The following FBXO11 variants were observed in gnomAD, a reference collection of about 807,000 sequenced individuals.
The protein encoded by FBXO11 is F-box protein 11, also known as F-box only protein 11.
FBXO11 carries 13 observed loss-of-function variants against 117.0 expected under a neutral mutation model. That is an observed-to-expected ratio of 0.11 (90% CI 0.07 to 0.18). FBXO11 has a LOEUF of 0.18. Ranked by LOEUF, FBXO11 falls within the 10% of genes least tolerant of loss-of-function variation. The probability of loss-of-function intolerance (pLI) is 1.00; values close to 1 mark genes in which losing one functional copy is unlikely to be tolerated. For synonymous variants in FBXO11, 490 were observed against 380.5 expected (o/e 1.29, Z -3.35); for missense variants, 767 against 1,164.4 (o/e 0.66, Z 4.97).
intron 1 of FBXO11, chr2:47,883,581 C>T: frequency 3.1e-6 from 1 of 325,920 alleles, no homozygotes; most frequent in Non-Finnish European, 6.2e-6. Flanking sequence ...TCGGCAAACA[C>T]TGATGTTTGA....
At chr2:47,863,125 G>A (rs1038727130) in intron 1 of FBXO11, among the ~76,000 whole-genome samples, 6 of 144,970 alleles carry the variant, frequency 4.1e-5, no homozygotes, top group South Asian at 2.2e-4. Context: ...AAAACAAAAC[G>A]AAACAAAAGT....
chr2:47,855,279 CA>C (rs1180640105), intron 1 of FBXO11, among the ~76,000 whole-genome samples: 1 of 151,718 alleles, frequency 6.6e-6, no homozygotes, highest in African/African-American at 2.4e-5. Flanking sequence ...CAGCTCACTG[CA>C]GCCTCGACTT....
intron 1 of FBXO11, among the ~76,000 whole-genome samples, chr2:47,899,172 G>A (rs548321590): frequency 2.0e-4 from 30 of 151,768 alleles, no homozygotes; most frequent in African/African-American, 7.2e-4. Flanking sequence ...TACTCAGGAG[G>A]CTGAGGCAGG....
At chr2:47,866,765 C>A (rs930487982) in intron 1 of FBXO11, among the ~76,000 whole-genome samples, 15 of 152,210 alleles carry the variant, frequency 9.9e-5, no homozygotes, top group African/African-American at 3.4e-4. Context: ...AGCCACTGCG[C>A]CCGGCCTATG....
chr2:47,818,991 C>T lies in FBXO11; in HGVS notation c.1885G>A (p.Val629Ile). 1 of 1,614,040 alleles carries T rather than the reference C, an allele frequency of 6.2e-7. No individual in the cohort carries two copies. The highest frequency in any genetic ancestry group is 1.1e-5 in the South Asian group (1 of 91,078). Residue 629 changes from valine to isoleucine, a missense_variant, in exon 15 of 23, where the codon GTA becomes ATA. Transcript: ENST00000403359. ...GVWVTTGSTP[V>I]LRRNRIHSGK... ...CTGTGTATCCGGTTTCTTCTCAGTACTGGAGTGCTGCCAGTTGTCACCCAG... is the reference window on the plus strand; with the variant it reads ...CTGTGTATCCGGTTTCTTCTCAGTATTGGAGTGCTGCCAGTTGTCACCCAG...
Position 47,839,923 on chromosome 2 carries a change from T to A in FBXO11, c.233-154A>T, listed in dbSNP as rs549191938. Among the ~76,000 whole-genome samples, 216 of 152,254 alleles carry A rather than the reference T, an allele frequency of 1.4e-3. 3 individuals carry two copies. The highest frequency in any genetic ancestry group is 4.9e-3 in the African/African-American group (202 of 41,544). On this transcript the variant is annotated intron_variant, in intron 1 of 22. Transcript: ENST00000403359. ...ACTGGATAGCTATATGAAAGAAATG[T>A]TAGATTTCTATAAAATGTGGAAGAT...
At chr2:47,810,256 CCACAT>C in intron 19 of FBXO11, 55 bp downstream of exon 19, 1 of 1,107,166 alleles carries the variant, frequency 9.0e-7, no homozygotes, top group Non-Finnish European at 1.3e-6. Context: ...TGAATATACT[CCACAT>C]CAAACACTTT....
chr2:47,820,941 A>C (rs1448636557), intron 13 of FBXO11, among the ~76,000 whole-genome samples: 1 of 152,226 alleles, frequency 6.6e-6, no homozygotes, highest in African/African-American at 2.4e-5. Flanking sequence ...TGTCTGGCAC[A>C]CAGATATCTA....
At chr2:47,808,735 A>C in intron 21 of FBXO11, 1 of 326,446 alleles carries the variant, frequency 3.1e-6, no homozygotes, top group Non-Finnish European at 5.6e-6. Context: ...AAACTGTCAC[A>C]GTGACTGGGA....
chr2:47,835,946 G>T lies in FBXO11; in HGVS notation c.643C>A (p.Pro215Thr). The part of the protein sequence containing the change: ...EYTRPMMHPE[P>T]GKFYQINPEE... ...GGATTAATCTGGTAGAATTTTCCAG[G>T]TTCAGGATGCATCATAGGGCGAGTA... The change falls in exon 5 of 23, where the codon CCT becomes ACT. Residue 215 changes from proline to threonine, a missense_variant. Physicochemically the swap from Pro to Thr is conservative, Grantham distance 38. Transcript: ENST00000403359. 6.2e-7 allele frequency: 1 copy of T among 1,611,078 alleles called. No homozygotes were observed. The highest frequency in any genetic ancestry group is 8.5e-7 in the Non-Finnish European group (1 of 1,177,604).
intron 5 of FBXO11, among the ~76,000 whole-genome samples, chr2:47,835,573 T>C (rs1361305109): frequency 6.6e-6 from 1 of 152,042 alleles, no homozygotes; most frequent in Non-Finnish European, 1.5e-5. Flanking sequence ...ATGTCAGCTC[T>C]CTGCAACTCT....
Position 47,810,319 on chromosome 2 carries a change from C to T in FBXO11, c.2335G>A (p.Ala779Thr). 1 of 1,596,302 alleles carries T rather than the reference C, an allele frequency of 6.3e-7. No individual in the cohort carries two copies. The highest frequency in any genetic ancestry group is 8.6e-7 in the Non-Finnish European group (1 of 1,169,066). Reference protein sequence around the residue: ...RKNRIFDGFAAGIEITNHATA... With the variant: ...RKNRIFDGFATGIEITNHATA... The stretch of plus-strand genomic sequence containing the variant: ...GGTAAGAAAAGAAAATACAAACCTG[C>T]GGCAAATCCATCAAATATTCTGTTT... Residue 779 changes from alanine to threonine, a missense_variant, in exon 19 of 23, where the codon GCA becomes ACA. Coordinates refer to ENST00000403359, the MANE Select transcript of FBXO11 (RefSeq NM_001190274.2).
At chr2:47,816,865 G>C (rs376909662) in intron 16 of FBXO11, among the ~76,000 whole-genome samples, 1 of 152,030 alleles carries the variant, frequency 6.6e-6, no homozygotes, top group Non-Finnish European at 1.5e-5. Context: ...CCTTTATAGC[G>C]CACAGGCAGA....
chr2:47,828,272 T>A (rs1360538506), intron 11 of FBXO11, among the ~76,000 whole-genome samples: 1 of 152,228 alleles, frequency 6.6e-6, no homozygotes, highest in East Asian at 1.9e-4. Flanking sequence ...TGAGCCACTG[T>A]GCCCAGCCTC....
At chr2:47,858,134 C>T (rs1219840515) in intron 1 of FBXO11, among the ~76,000 whole-genome samples, 1 of 151,796 alleles carries the variant, frequency 6.6e-6, no homozygotes, top group Non-Finnish European at 1.5e-5. Context: ...GAGGCGGAGC[C>T]TCACTCTGTT....
At chr2:47,850,473 C>G (rs775352776) in intron 1 of FBXO11, among the ~76,000 whole-genome samples, 54 of 152,120 alleles carry the variant, frequency 3.5e-4, no homozygotes, top group Non-Finnish European at 6.5e-4. Context: ...GCTATCATAG[C>G]TATCATAATG....
At chr2:47,855,004 G>C (rs181058758) in intron 1 of FBXO11, among the ~76,000 whole-genome samples, 6 of 151,976 alleles carry the variant, frequency 3.9e-5, no homozygotes. Context: ...CAATAAATTA[G>C]AAAAAGGCCT....
At chr2:47,816,817 C>T (rs772043303) in intron 16 of FBXO11, among the ~76,000 whole-genome samples, 1 of 152,122 alleles carries the variant, frequency 6.6e-6, no homozygotes, top group South Asian at 2.1e-4. Flanking sequence ...GTAAACTGTA[C>T]TGTAAATTCA....
chr2:47,864,819 ATT>A (rs1208659336), intron 1 of FBXO11, among the ~76,000 whole-genome samples: 1 of 152,176 alleles, frequency 6.6e-6, no homozygotes, highest in African/African-American at 2.4e-5. Flanking sequence ...AAGCCTTGAA[ATT>A]TACTTCTACT....
Sources: gnomAD v4.1 joint callset for allele counts (sites outside exome capture counted in the v4.1 genomes callset) on GRCh38, gnomAD v4.1.1 for gene constraint, MANE v1.5 for transcripts, NCBI Gene and HGNC (gene_info 2026-07-23, HGNC 2026-07-21) for gene names.